The following DZIP3 variants were observed in gnomAD, a reference collection of about 807,000 sequenced individuals.
DZIP3 encodes the protein DAZ interacting zinc finger protein 3.
Under a neutral mutation model 162.0 loss-of-function variants are expected in DZIP3, and 118 were observed. The ratio of observed to expected loss-of-function variants is 0.73; its 90% confidence interval spans 0.63 to 0.85. The LOEUF (loss-of-function observed/expected upper bound fraction) is 0.85. Among genes scored for constraint, DZIP3 ranks in the 40% least tolerant of loss-of-function variants. The probability of loss-of-function intolerance (pLI) is 0.00; values close to 1 mark genes in which losing one functional copy is unlikely to be tolerated. For synonymous variants in DZIP3, 438 were observed against 458.6 expected (o/e 0.96, Z 0.57); for missense variants, 1,331 against 1,407.0 (o/e 0.95, Z 0.86).
rs761565166 is a variant in DZIP3, at chr3:108,624,568, T to C, written c.456+44T>C. 4.5e-6 allele frequency: 5 copies of C among 1,120,534 alleles called. No homozygotes were observed. In the South Asian group the frequency reaches 8.1e-5, roughly 18 times the overall value. The allele number at this position is 1,120,534 out of a possible 1,614,324, so 69.4% of individuals were successfully genotyped here. ...GCCCTTTATAAATCTTTTTACATCT[T>C]GGAATAATCAGGCCAAAGATTATAA... On this transcript the variant is annotated intron_variant, in intron 6 of 32. Transcript: ENST00000361582.
chr3:108,632,948 T>C lies in DZIP3; in HGVS notation c.697-5T>C. 1 of 1,374,108 alleles carries C rather than the reference T, an allele frequency of 7.3e-7. No homozygotes were observed. The highest frequency in any genetic ancestry group is 2.6e-5 in the East Asian group (1 of 38,964). 85.1% of individuals were successfully genotyped at this position (1,374,108 alleles called of 1,614,324 possible). A position where few individuals can be genotyped will look rare whatever the true frequency, so the allele number is the denominator to read the frequency against. On this transcript the variant is annotated splice_polypyrimidine_tract_variant and splice_region_variant and intron_variant, in intron 8 of 32. Transcript: ENST00000361582. ...ATGAGAATTCTTTCTGTTTTTAAAA[T>C]CTAGGATCTTCTTAATAATTTTATC... is the stretch of plus-strand genomic sequence containing the variant.
intron 5 of DZIP3, among the ~76,000 whole-genome samples, chr3:108,622,874 C>CTG (rs1461934139): frequency 1.9e-4 from 20 of 105,270 alleles, no homozygotes; most frequent in South Asian, 1.0e-3. Context: ...CTCTCTCTCT[C>CTG]TCTCTCTGTG....
In DZIP3 at chr3:108,632,963, A is replaced by G. The variant is rs141177400; in HGVS notation, c.707A>G (p.Asn236Ser). The G allele has an allele frequency of 7.8e-6, 11 of 1,404,656 alleles. No homozygotes were observed. In the African/African-American group the frequency reaches 1.0e-4, roughly 13 times the overall value. The allele number at this position is 1,404,656 out of a possible 1,614,324, so 87.0% of individuals were successfully genotyped here. A position where few individuals can be genotyped will look rare whatever the true frequency, so the allele number is the denominator to read the frequency against. The change falls in exon 9 of 33, where the codon AAT becomes AGT. Residue 236 changes from asparagine (N) to serine (S), a missense_variant. Asn to Ser is a conservative substitution (Grantham distance 46). Transcript: ENST00000361582. ...DLPTTFKDLL[N>S]NFIKTTESNI... is the part of the protein sequence containing the mutation. The stretch of plus-strand genomic sequence containing the variant: ...GTTTTTAAAATCTAGGATCTTCTTA[A>G]TAATTTTATCAAGACAACTGAAAGC...
rs866288866 is a variant in DZIP3, at chr3:108,616,748, T to C, written c.375+91T>C. 43 of 869,286 alleles carry C rather than the reference T, an allele frequency of 4.9e-5. No individual in the cohort carries two copies. The Middle Eastern group carries it at 4.4e-3, about 89-fold the overall frequency. The allele number at this position is 869,286 out of a possible 1,614,324, so 53.8% of individuals were successfully genotyped here. A position where few individuals can be genotyped will look rare whatever the true frequency, so the allele number is the denominator to read the frequency against. Reference sequence around the variant, plus strand: ...GCCAATGCATGCTTATTTTAAGGTGTGGGCCAATTTTTATTTTTTTCTTTT... The same window carrying C: ...GCCAATGCATGCTTATTTTAAGGTGCGGGCCAATTTTTATTTTTTTCTTTT... On this transcript the variant is annotated intron_variant, in intron 5 of 32. Transcript: ENST00000361582.
chr3:108,635,244 A>C lies in DZIP3; in HGVS notation c.918+272A>C, dbSNP rs992931326. On this transcript the variant is annotated intron_variant, in intron 10 of 32. Transcript: ENST00000361582. ...GTTGGTTTGCTTAGTGGTTTCTATC[A>C]ATTTGTTCCCTTCCTTTTAGAAATG... 1.3e-3 allele frequency: 313 copies of C among 248,394 alleles called. 3 individuals are homozygous for C. Among genetic ancestry groups the C allele is most frequent in the Middle Eastern group, 2.1e-3 (5 of 2,428 alleles). 15.4% of individuals were successfully genotyped at this position (248,394 alleles called of 1,614,324 possible). A position where few individuals can be genotyped will look rare whatever the true frequency, so the allele number is the denominator to read the frequency against.
intron 1 of DZIP3, among the ~76,000 whole-genome samples, chr3:108,603,433 G>A (rs931264612): frequency 6.6e-6 from 1 of 152,088 alleles, no homozygotes; most frequent in Non-Finnish European, 1.5e-5. Flanking sequence ...GTTATTAGCT[G>A]TAGTTTGTAT....
At position 108,618,415 on chromosome 3, in the gene DZIP3, G is replaced by A. The variant is rs750528192; in HGVS notation, c.375+1758G>A. On this transcript the variant is annotated intron_variant, in intron 5 of 32. Transcript: ENST00000361582. ...CTGTATGACAGCCACTATTCTAAGCGCTTTGTAAAAATTAGCCCTTTTACT... is the reference window on the plus strand; with the variant it reads ...CTGTATGACAGCCACTATTCTAAGCACTTTGTAAAAATTAGCCCTTTTACT... 1.1e-4 allele frequency among the ~76,000 whole-genome samples: 16 copies of A among 151,926 alleles called. 1 individual carries two copies. The South Asian group carries it at 1.2e-3, about 12-fold the overall frequency.
At chr3:108,635,972 A>C (rs1233127414) in intron 10 of DZIP3, among the ~76,000 whole-genome samples, 3 of 151,882 alleles carry the variant, frequency 2.0e-5, no homozygotes, top group African/African-American at 7.2e-5. Context: ...CTGGTAACTT[A>C]ATTGCCCAGA....
intron 6 of DZIP3, among the ~76,000 whole-genome samples, chr3:108,625,119 A>C (rs186395785): frequency 1.3e-5 from 2 of 152,306 alleles, no homozygotes; most frequent in African/African-American, 4.8e-5. Context: ...GTACTAGGGA[A>C]TATTTTAAAG....
At chr3:108,620,971 G>A (rs1941302613) in intron 5 of DZIP3, among the ~76,000 whole-genome samples, 1 of 152,030 alleles carries the variant, frequency 6.6e-6, no homozygotes, top group Non-Finnish European at 1.5e-5. Flanking sequence ...ACAGGCGCGT[G>A]CCACCACGCC....
At position 108,634,970 on chromosome 3, in the gene DZIP3, C is replaced by G. The variant is rs151046961; in HGVS notation, c.916C>G (p.Gln306Glu). The change falls in exon 10 of 33, where the codon CAG (glutamine) becomes GAG (glutamate). Residue 306 changes from glutamine to glutamate, a missense_variant and splice_region_variant. This residue lies in a region of DZIP3 where 1,278 missense variants were observed against 1,317.1 expected (regional missense o/e 0.97). Coordinates refer to ENST00000361582, the MANE Select transcript of DZIP3 (RefSeq NM_014648.4). The part of the protein sequence containing the change: ...KNLKYPGEND[Q>E]SFSGKKCLKE... ...TTTAAAGTATCCAGGTGAAAATGAT[C>G]AGGTATTATATTCGTTCTTAAAACT... The G allele has an allele frequency of 3.8e-6, 6 of 1,571,338 alleles. No homozygotes were observed. The East Asian group carries it at 1.4e-4, about 36-fold the overall frequency.
At chr3:108,679,942 C>T (rs1576464322) in intron 26 of DZIP3, among the ~76,000 whole-genome samples, 1 of 151,892 alleles carries the variant, frequency 6.6e-6, no homozygotes, top group African/African-American at 2.4e-5. Flanking sequence ...ATTTAATCCT[C>T]AGAGAAGTGT....
upstream of DZIP3, chr3:108,589,664 G>T (rs995659206): frequency 6.8e-6 from 2 of 294,802 alleles, no homozygotes; most frequent in East Asian, 1.3e-4. Context: ...ATCCCGTGAA[G>T]GCGAGAAATC....
chr3:108,646,691 CA>C (rs1942636298), intron 15 of DZIP3, 42 bp downstream of exon 15: 2 of 1,318,298 alleles, frequency 1.5e-6, no homozygotes, highest in South Asian at 1.3e-5. Context: ...GACTTTTTAA[CA>C]AGGGATACCT....
intron 1 of DZIP3, among the ~76,000 whole-genome samples, chr3:108,595,576 T>C (rs1939671854): frequency 6.6e-6 from 1 of 152,196 alleles, no homozygotes. Context: ...TAATTTATAG[T>C]TTCAGAAATA....
At chr3:108,675,428 G>A (rs1228904746) in intron 24 of DZIP3, among the ~76,000 whole-genome samples, 1 of 151,958 alleles carries the variant, frequency 6.6e-6, no homozygotes, top group Non-Finnish European at 1.5e-5. Context: ...TCCAACATGG[G>A]TCAACATTTT....
intron 22 of DZIP3, among the ~76,000 whole-genome samples, chr3:108,670,409 G>A (rs1484500329): frequency 6.6e-6 from 1 of 151,806 alleles, no homozygotes; most frequent in African/African-American, 2.4e-5. Flanking sequence ...CCTCTTGTGA[G>A]TAACATTTTT....
chr3:108,600,248 A>G lies in DZIP3; in HGVS notation c.-72-5087A>G, dbSNP rs570741943. 1.2e-4 allele frequency among the ~76,000 whole-genome samples: 18 copies of G among 152,328 alleles called. 1 individual carries two copies. In the South Asian group the frequency reaches 2.7e-3, roughly 23 times the overall value. On this transcript the variant is annotated intron_variant, in intron 1 of 32. Coordinates refer to ENST00000361582, the MANE Select transcript of DZIP3 (RefSeq NM_014648.4). Reference sequence around the variant, plus strand: ...GATCTTCTGGAGTACATTTAATTCAATGTTGAGTTAGGAAATCCAGCTTTT... The same window carrying G: ...GATCTTCTGGAGTACATTTAATTCAGTGTTGAGTTAGGAAATCCAGCTTTT...
Position 108,662,201 on chromosome 3 carries a change from CAA to C in DZIP3, c.2370_2371del (p.Lys790AsnfsTer6). 1 of 1,609,772 alleles carries C rather than the reference CAA, an allele frequency of 6.2e-7. No individual in the cohort carries two copies. Among genetic ancestry groups the C allele is most frequent in the South Asian group, 1.1e-5 (1 of 89,764 alleles). On this transcript the variant is annotated frameshift_variant, in exon 21 of 33. Coordinates refer to ENST00000361582, the MANE Select transcript of DZIP3 (RefSeq NM_014648.4). LOFTEE classifies it high-confidence loss of function. ...ENQMQIKKKDKIIASLNQQVA... is the reference protein window; with the variant it reads ...ENQMQIKKKDXIIASLNQQVA... ...ACCAAATGCAGATTAAAAAGAAAGA[CAA>C]AATTATCGCATCTCTTAATCAACAA...
Sources: allele counts gnomAD v4.1 joint callset (sites outside exome capture counted in the v4.1 genomes callset), GRCh38; gene constraint gnomAD v4.1.1; regional missense constraint gnomAD v4.1.1; transcripts MANE v1.5; gene names NCBI Gene and HGNC (gene_info 2026-07-23, HGNC 2026-07-21).